Variants in TACR3 observed in about 807,000 individuals in gnomAD.
The protein encoded by TACR3 is neuromedin-K receptor.
TACR3 carries 34 observed loss-of-function variants against 35.0 expected under a neutral mutation model. That is an observed-to-expected ratio of 0.97 (90% CI 0.74 to 1.30). TACR3 has a LOEUF of 1.30. Ranked by LOEUF, TACR3 falls within the 50% of genes most tolerant of loss-of-function variation. The pLI is 0.00. For synonymous variants in TACR3, 233 were observed against 221.1 expected (o/e 1.05, Z -0.48); for missense variants, 558 against 591.7 (o/e 0.94, Z 0.59).
At chr4:103,663,933 G>A (rs1052586285) in intron 1 of TACR3, among the ~76,000 whole-genome samples, 6 of 152,116 alleles carry the variant, frequency 3.9e-5, no homozygotes, top group African/African-American at 1.4e-4. Flanking sequence ...AATATTTTAT[G>A]TGATTACATC....
intron 3 of TACR3, among the ~76,000 whole-genome samples, chr4:103,639,489 C>T (rs1026963666): frequency 5.3e-5 from 8 of 151,858 alleles, no homozygotes; most frequent in African/African-American, 1.9e-4. Flanking sequence ...ATACCTAGTG[C>T]TAAATGACGA....
chr4:103,691,784 G>A (rs189431761), intron 1 of TACR3, among the ~76,000 whole-genome samples: 74 of 152,310 alleles, frequency 4.9e-4, no homozygotes, highest in African/African-American at 1.7e-3. Flanking sequence ...TAGCATGAGC[G>A]ATCTGTGCCT....
chr4:103,598,391 C>A (rs1028831924), intron 3 of TACR3, among the ~76,000 whole-genome samples: 2 of 152,184 alleles, frequency 1.3e-5, no homozygotes, highest in Admixed American at 1.3e-4. Flanking sequence ...AACTTTCTCC[C>A]ATTCTGTAGG....
At chr4:103,593,982 C>G (rs759889330) in intron 3 of TACR3, among the ~76,000 whole-genome samples, 5 of 152,002 alleles carry the variant, frequency 3.3e-5, no homozygotes, top group Non-Finnish European at 7.4e-5. Flanking sequence ...TTTAAATGAA[C>G]AGGTGAAAGT....
At chr4:103,639,018 G>A (rs1404707084) in intron 3 of TACR3, among the ~76,000 whole-genome samples, 8 of 152,124 alleles carry the variant, frequency 5.3e-5, no homozygotes, top group Admixed American at 3.9e-4. Context: ...CAACCATTGT[G>A]GAAGTCGGTG....
rs1458215165 is a variant in TACR3, at chr4:103,703,401, GA to G, written c.548+15726del. On this transcript the variant is annotated intron_variant, in intron 1 of 4. Coordinates refer to ENST00000304883, the MANE Select transcript of TACR3 (RefSeq NM_001059.3). ...AGAATAGCATTTTGTTGTAGATGAT[GA>G]AAAAAAGAAAACTATAAAAGAAAAT... 5.3e-5 allele frequency among the ~76,000 whole-genome samples: 8 copies of G among 151,772 alleles called. No homozygotes were observed. The South Asian group carries it at 1.0e-3, about 20-fold the overall frequency.
intron 1 of TACR3, among the ~76,000 whole-genome samples, chr4:103,695,671 A>C (rs1223798492): frequency 6.6e-6 from 1 of 151,570 alleles, no homozygotes; most frequent in African/African-American, 2.4e-5. Flanking sequence ...TAAGTCCTGC[A>C]TTGCTCAAGG....
rs1260169330 is a variant in TACR3 at position 103,650,856 on chromosome 4, ATATC to A, written c.888+5334_888+5337del. 3.1e-3 allele frequency among the ~76,000 whole-genome samples: 171 copies of A among 55,174 alleles called. 41 individuals carry two copies. The highest frequency in any genetic ancestry group is 0.016 in the African/African-American group (167 of 10,418). The allele number at this position is 55,174 out of a possible 152,430, so 36.2% of individuals were successfully genotyped here. On this transcript the variant is annotated intron_variant, in intron 3 of 4. Transcript: ENST00000304883. ...ATATATCTTATATATAATAATATAT[ATATC>A]TCATATATAATAATATATATATCTT...
intron 1 of TACR3, among the ~76,000 whole-genome samples, chr4:103,673,599 T>C (rs962413827): frequency 1.3e-5 from 2 of 152,032 alleles, no homozygotes; most frequent in African/African-American, 4.8e-5. Flanking sequence ...AGAACAGATA[T>C]AATAATAATA....
At chr4:103,713,975 C>T (rs1286585996) in intron 1 of TACR3, among the ~76,000 whole-genome samples, 2 of 152,068 alleles carry the variant, frequency 1.3e-5, no homozygotes, top group African/African-American at 4.8e-5. Flanking sequence ...CTCAGTGTGG[C>T]TCTTTGGACA....
rs191564728 is a variant in TACR3 at position 103,673,342 on chromosome 4, G to A, written c.549-14939C>T. Reference sequence around the variant, plus strand: ...TTCTAGCTTAACTCACTCAAATAGCGAGTGACATTGTGACTCTTTCATTTC... The same window carrying A: ...TTCTAGCTTAACTCACTCAAATAGCAAGTGACATTGTGACTCTTTCATTTC... On this transcript the variant is annotated intron_variant, in intron 1 of 4. Transcript: ENST00000304883. Among the ~76,000 whole-genome samples the A allele has an allele frequency of 5.9e-5, 9 of 152,204 alleles. No individual in the cohort carries two copies. In the East Asian group the frequency reaches 1.2e-3, roughly 20 times the overall value.
chr4:103,637,433 G>A (rs1192967911), intron 3 of TACR3, among the ~76,000 whole-genome samples: 15 of 151,972 alleles, frequency 9.9e-5, no homozygotes, highest in Admixed American at 1.3e-4. Context: ...TTGATGGGAC[G>A]TATCTCAAAA....
intron 1 of TACR3, among the ~76,000 whole-genome samples, chr4:103,682,251 C>G (rs1352972494): frequency 2.6e-5 from 4 of 152,106 alleles, no homozygotes; most frequent in Non-Finnish European, 2.9e-5. Context: ...TCCACCTCAG[C>G]CTCCCATGTA....
chr4:103,690,375 A>G (rs1722375096), intron 1 of TACR3, among the ~76,000 whole-genome samples: 2 of 152,168 alleles, frequency 1.3e-5, no homozygotes, highest in Non-Finnish European at 1.5e-5. Context: ...CATTAATATT[A>G]GACAAAATAG....
At chr4:103,714,728 CAAATT>C (rs1223386407) in intron 1 of TACR3, among the ~76,000 whole-genome samples, 2 of 151,994 alleles carry the variant, frequency 1.3e-5, no homozygotes, top group Non-Finnish European at 2.9e-5. Context: ...ACTTGGTACT[CAAATT>C]AAAGACCGAA....
At chr4:103,602,737 C>A (rs146199851) in intron 3 of TACR3, among the ~76,000 whole-genome samples, 3 of 152,254 alleles carry the variant, frequency 2.0e-5, no homozygotes, top group African/African-American at 7.2e-5. Context: ...GCTGTCTGAT[C>A]GTTCCTGTGG....
chr4:103,694,956 T>A (rs1262613192), intron 1 of TACR3, among the ~76,000 whole-genome samples: 3 of 152,178 alleles, frequency 2.0e-5, no homozygotes, highest in African/African-American at 7.2e-5. Flanking sequence ...ATATTCCAAA[T>A]GTTTTCATTT....
chr4:103,644,400 A>G (rs567961487), intron 3 of TACR3, among the ~76,000 whole-genome samples: 2 of 152,002 alleles, frequency 1.3e-5, no homozygotes, highest in African/African-American at 4.8e-5. Context: ...CTTTTAAGCA[A>G]AAGCTTTTAA....
At chr4:103,651,169 GGT>G (rs1295725190) in intron 3 of TACR3, among the ~76,000 whole-genome samples, 4 of 150,546 alleles carry the variant, frequency 2.7e-5, no homozygotes, top group African/African-American at 9.8e-5. Flanking sequence ...TAGATCCAGA[GGT>G]GTTCTGGTGG....
Sources: gnomAD v4.1 joint callset for allele counts (sites outside exome capture counted in the v4.1 genomes callset) on GRCh38, gnomAD v4.1.1 for gene constraint, MANE v1.5 for transcripts, NCBI Gene and HGNC (gene_info 2026-07-23, HGNC 2026-07-21) for gene names.